The following TEAD1 variants were observed in gnomAD, a reference collection of about 807,000 sequenced individuals.
The protein encoded by TEAD1 is transcriptional enhancer factor TEF-1.
In TEAD1, 9 loss-of-function variants were observed where a neutral mutation model predicts 54.9. The observed-to-expected ratio is 0.16, with a 90% CI of 0.10 to 0.29. TEAD1 has a LOEUF of 0.29. Among genes scored for constraint, TEAD1 ranks in the 10% least tolerant of loss-of-function variants. The pLI is 1.00. For synonymous variants in TEAD1, 200 were observed against 187.8 expected (o/e 1.07, Z -0.53); for missense variants, 387 against 535.9 (o/e 0.72, Z 2.74).
intron 2 of TEAD1, among the ~76,000 whole-genome samples, chr11:12,761,327 C>A (rs1438274814): frequency 1.3e-5 from 2 of 152,162 alleles, no homozygotes; most frequent in Non-Finnish European, 2.9e-5. Context: ...TTGGAATATT[C>A]TTTGGAACTT....
At chr11:12,757,825 A>AC (rs1289659450) in intron 2 of TEAD1, among the ~76,000 whole-genome samples, 1 of 152,060 alleles carries the variant, frequency 6.6e-6, no homozygotes, top group African/African-American at 2.4e-5. Flanking sequence ...TGTCACTCAG[A>AC]CTGGAGTGCA....
intron 9 of TEAD1, among the ~76,000 whole-genome samples, chr11:12,899,622 T>G (rs1948386407): frequency 6.6e-6 from 1 of 152,342 alleles, no homozygotes; most frequent in Non-Finnish European, 1.5e-5. Context: ...CTTTTACTTT[T>G]AACCTTTTTA....
intron 11 of TEAD1, among the ~76,000 whole-genome samples, chr11:12,925,525 C>T (rs1189848555): frequency 1.3e-5 from 2 of 152,174 alleles, no homozygotes; most frequent in Non-Finnish European, 2.9e-5. Context: ...ACCATATCAC[C>T]CTCCTTCTTT....
At position 12,930,342 on chromosome 11, in the gene TEAD1, C is replaced by T. The variant is rs1948990584; in HGVS notation, c.1167+16C>T. ...AATTTTATTGGTAATGGTTTTGTCT[C>T]TTTCCTCTGTGGGCAGATGCTGCCA... On this transcript the variant is annotated intron_variant, in intron 12 of 12. Coordinates refer to ENST00000527636, the MANE Select transcript of TEAD1 (RefSeq NM_021961.6). The T allele has an allele frequency of 6.2e-7, 1 of 1,613,896 alleles. No individual in the cohort carries two copies. Among genetic ancestry groups the T allele is most frequent in the African/African-American group, 1.3e-5 (1 of 74,938 alleles).
At chr11:12,720,727 C>T (rs73421981) in intron 2 of TEAD1, among the ~76,000 whole-genome samples, 2,781 of 152,250 alleles carry the variant, frequency 0.018, 87 homozygotes, top group African/African-American at 0.064. Flanking sequence ...GAGTTTAAAG[C>T]CCATTTGCTT....
chr11:12,876,477 C>T (rs576084894), intron 5 of TEAD1, among the ~76,000 whole-genome samples: 83 of 152,210 alleles, frequency 5.5e-4, no homozygotes, highest in African/African-American at 1.9e-3. Context: ...ATTTCAAATA[C>T]GTGGAACTCT....
intron 3 of TEAD1, among the ~76,000 whole-genome samples, chr11:12,851,758 C>G (rs1022074617): frequency 2.6e-5 from 4 of 151,676 alleles, no homozygotes; most frequent in African/African-American, 9.7e-5. Context: ...CATTCCACTG[C>G]ACTCCAGACT....
intron 2 of TEAD1, among the ~76,000 whole-genome samples, chr11:12,756,844 C>A (rs1473342761): frequency 6.6e-6 from 1 of 152,198 alleles, no homozygotes; most frequent in Non-Finnish European, 1.5e-5. Flanking sequence ...TAAATAAGAT[C>A]CTCTAGGCAG....
intron 2 of TEAD1, among the ~76,000 whole-genome samples, chr11:12,688,987 T>C (rs1414368095): frequency 6.6e-6 from 1 of 151,958 alleles, no homozygotes; most frequent in East Asian, 1.9e-4. Context: ...CCCCTCTTGC[T>C]GGATTTCCTG....
intron 2 of TEAD1, among the ~76,000 whole-genome samples, chr11:12,709,231 G>C (rs961125891): frequency 2.6e-5 from 4 of 152,118 alleles, no homozygotes; most frequent in Non-Finnish European, 4.4e-5. Flanking sequence ...CTAACTACTT[G>C]GGAGGCTGAG....
chr11:12,678,934 G>A (rs1398110239), intron 2 of TEAD1, among the ~76,000 whole-genome samples: 1 of 152,200 alleles, frequency 6.6e-6, no homozygotes, highest in Non-Finnish European at 1.5e-5. Context: ...GTAAAAATGG[G>A]ATGCCCTGGT....
intron 3 of TEAD1, among the ~76,000 whole-genome samples, chr11:12,820,987 G>T (rs1189139206): frequency 6.6e-6 from 1 of 152,158 alleles, no homozygotes; most frequent in Non-Finnish European, 1.5e-5. Flanking sequence ...GCAGCACTTT[G>T]GGGGCTCTAT....
At chr11:12,810,361 G>C (rs936591156) in intron 3 of TEAD1, among the ~76,000 whole-genome samples, 1 of 152,140 alleles carries the variant, frequency 6.6e-6, no homozygotes, top group Non-Finnish European at 1.5e-5. Context: ...GAAGTGTCCG[G>C]ATGTATGGAC....
chr11:12,845,540 A>G (rs937264135), intron 3 of TEAD1, among the ~76,000 whole-genome samples: 6 of 152,180 alleles, frequency 3.9e-5, no homozygotes, highest in African/African-American at 1.4e-4. Flanking sequence ...ATATACCTCC[A>G]TGTAGTTTGT....
intron 2 of TEAD1, among the ~76,000 whole-genome samples, chr11:12,730,886 G>A (rs138253270): frequency 5.9e-5 from 9 of 151,672 alleles, no homozygotes; most frequent in African/African-American, 2.2e-4. Flanking sequence ...TTTTTTAGTA[G>A]AGATGGGGTT....
In TEAD1 at chr11:12,745,123, GT is replaced by G. The variant is rs573686178; in HGVS notation, c.-54-19050del. 4.6e-5 allele frequency among the ~76,000 whole-genome samples: 7 copies of G among 152,302 alleles called. No individual in the cohort carries two copies. The South Asian group carries it at 1.5e-3, about 32-fold the overall frequency. ...TGGGGAAAGATGAGTCGAGTCTACG[GT>G]TTTTTCTCATCCTCCTGTAAGTGAC... On this transcript the variant is annotated intron_variant, in intron 2 of 12. Transcript: ENST00000527636.
At chr11:12,863,167 A>C (rs1327515001) in intron 4 of TEAD1, among the ~76,000 whole-genome samples, 1 of 152,216 alleles carries the variant, frequency 6.6e-6, no homozygotes, top group Non-Finnish European at 1.5e-5. Flanking sequence ...CCGTGGTCTC[A>C]TTAAGATTGA....
At chr11:12,916,146 A>C (rs1948708520) in intron 10 of TEAD1, among the ~76,000 whole-genome samples, 1 of 152,182 alleles carries the variant, frequency 6.6e-6, no homozygotes, top group Non-Finnish European at 1.5e-5. Context: ...CGTGTTAATG[A>C]TGGCCTTTTT....
chr11:12,772,442 G>A (rs2133936714), intron 3 of TEAD1, among the ~76,000 whole-genome samples: 2 of 152,284 alleles, frequency 1.3e-5, no homozygotes, highest in Middle Eastern at 3.4e-3. Flanking sequence ...GAGGATGGGG[G>A]GAGGGCCGAG....
Sources: gnomAD v4.1 joint callset for allele counts (sites outside exome capture counted in the v4.1 genomes callset) on GRCh38, gnomAD v4.1.1 for gene constraint, MANE v1.5 for transcripts, NCBI Gene and HGNC (gene_info 2026-07-23, HGNC 2026-07-21) for gene names.